ADK: variants seen among roughly 807,000 people sequenced by gnomAD.
The protein encoded by ADK is adenosine kinase.
ADK carries 24 observed loss-of-function variants against 44.7 expected under a neutral mutation model. The ratio of observed to expected loss-of-function variants is 0.54; its 90% CI spans 0.39 to 0.76. The LOEUF is 0.76. ADK is among the 30% of genes least tolerant of loss of function. The pLI is 0.00. For synonymous variants in ADK, 128 were observed against 142.6 expected (o/e 0.90, Z 0.73); for missense variants, 321 against 425.1 (o/e 0.76, Z 2.15).
At chr10:74,677,323 T>G (rs938282566) in intron 10 of ADK, among the ~76,000 whole-genome samples, 1 of 151,962 alleles carries the variant, frequency 6.6e-6, no homozygotes, top group Non-Finnish European at 1.5e-5. Context: ...TTTTAAAGAG[T>G]TTTTTCAGAA....
chr10:74,585,015 A>C (rs974738416), intron 7 of ADK, among the ~76,000 whole-genome samples: 4 of 152,210 alleles, frequency 2.6e-5, no homozygotes, highest in African/African-American at 9.6e-5. Flanking sequence ...GTTGTCTTTC[A>C]TATACGCAAA....
intron 9 of ADK, among the ~76,000 whole-genome samples, chr10:74,647,956 A>G (rs1458397983): frequency 6.6e-6 from 1 of 152,172 alleles, no homozygotes; most frequent in African/African-American, 2.4e-5. Flanking sequence ...AAGCTTTCCT[A>G]TCTTCAGTTC....
At chr10:74,484,263 C>T (rs1413505784) in intron 6 of ADK, among the ~76,000 whole-genome samples, 1 of 151,988 alleles carries the variant, frequency 6.6e-6, no homozygotes, top group African/African-American at 2.4e-5. Context: ...GGAAGAGAGA[C>T]AAGAGGGAGG....
At chr10:74,415,987 T>G (rs906007304) in intron 6 of ADK, among the ~76,000 whole-genome samples, 2 of 150,610 alleles carry the variant, frequency 1.3e-5, no homozygotes, top group Non-Finnish European at 3.0e-5. Context: ...CTCATATATA[T>G]AAATATATAT....
At chr10:74,518,463 G>T (rs1383366960) in intron 6 of ADK, among the ~76,000 whole-genome samples, 1 of 152,178 alleles carries the variant, frequency 6.6e-6, no homozygotes, top group African/African-American at 2.4e-5. Flanking sequence ...ACTCAAAGAA[G>T]TAATATAGAC....
At chr10:74,450,109 A>T (rs1413499542) in intron 6 of ADK, among the ~76,000 whole-genome samples, 1 of 152,192 alleles carries the variant, frequency 6.6e-6, no homozygotes, top group Non-Finnish European at 1.5e-5. Flanking sequence ...GTTTGAGACC[A>T]GCCTGGGCAA....
intron 6 of ADK, among the ~76,000 whole-genome samples, chr10:74,462,858 G>A (rs951648009): frequency 1.3e-5 from 2 of 152,028 alleles, no homozygotes; most frequent in African/African-American, 4.8e-5. Context: ...TTAAGGATAG[G>A]CTATTGATTA....
chr10:74,281,402 G>A (rs1029771637), intron 3 of ADK, among the ~76,000 whole-genome samples: 2 of 152,192 alleles, frequency 1.3e-5, no homozygotes, highest in African/African-American at 4.8e-5. Flanking sequence ...CACTTTTTTG[G>A]TAAAGAAACA....
chr10:74,223,068 A>C (rs921487745), intron 2 of ADK, among the ~76,000 whole-genome samples: 1 of 152,160 alleles, frequency 6.6e-6, no homozygotes, highest in Non-Finnish European at 1.5e-5. Flanking sequence ...TGTTACTTAG[A>C]ATACCTGAAA....
intron 2 of ADK, among the ~76,000 whole-genome samples, chr10:74,210,427 A>G (rs1018206630): frequency 6.6e-6 from 1 of 152,124 alleles, no homozygotes; most frequent in African/African-American, 2.4e-5. Flanking sequence ...TTTAATAAAC[A>G]TACAAACCTT....
chr10:74,297,524 T>C (rs1262122089), intron 3 of ADK, among the ~76,000 whole-genome samples: 1 of 152,220 alleles, frequency 6.6e-6, no homozygotes, highest in Non-Finnish European at 1.5e-5. Context: ...CTGTAGTAGA[T>C]AGGTATAATA....
intron 3 of ADK, among the ~76,000 whole-genome samples, chr10:74,238,709 A>G (rs1439040362): frequency 6.6e-6 from 1 of 152,064 alleles, no homozygotes; most frequent in African/African-American, 2.4e-5. Context: ...CCTTGACATA[A>G]TTTTCAGGCT....
At chr10:74,467,413 A>G (rs547712332) in intron 6 of ADK, among the ~76,000 whole-genome samples, 1 of 152,164 alleles carries the variant, frequency 6.6e-6, no homozygotes, top group African/African-American at 2.4e-5. Flanking sequence ...GTTAACGTGA[A>G]GTTATAGATT....
chr10:74,653,336 C>T (rs1157764359), intron 9 of ADK, among the ~76,000 whole-genome samples: 1 of 151,954 alleles, frequency 6.6e-6, no homozygotes, highest in Non-Finnish European at 1.5e-5. Context: ...CTTTTAATCC[C>T]AGCTACACGG....
intron 5 of ADK, 70 bp from the exon 6 acceptor site, chr10:74,398,401 G>T (rs1843590679): frequency 4.1e-6 from 4 of 969,680 alleles, no homozygotes; most frequent in South Asian, 1.8e-5. Context: ...AAAAAATATT[G>T]GTAATTATCT....
intron 1 of ADK, among the ~76,000 whole-genome samples, chr10:74,156,073 A>G (rs976911184): frequency 6.6e-6 from 1 of 152,154 alleles, no homozygotes; most frequent in Non-Finnish European, 1.5e-5. Context: ...GGCAATATAT[A>G]CTAGTGCAGC....
rs1455906544 is a variant in ADK, at chr10:74,158,309, C to G, written c.65+6966C>G. Among the ~76,000 whole-genome samples, 3 of 152,146 alleles carry G rather than the reference C, an allele frequency of 2.0e-5. No individual in the cohort carries two copies. In the East Asian group the frequency reaches 5.8e-4, roughly 29 times the overall value. ...CAAGTGCTGTGTGGCTAAATATTAT[C>G]TTTACAGAATGGACCTCTGGGATAC... is the stretch of plus-strand genomic sequence containing the variant. On this transcript the variant is annotated intron_variant, in intron 1 of 10. Coordinates refer to ENST00000539909, the MANE Select transcript of ADK (RefSeq NM_006721.4).
intron 9 of ADK, among the ~76,000 whole-genome samples, chr10:74,611,200 A>AT: frequency 6.6e-6 from 1 of 151,500 alleles, no homozygotes; most frequent in Middle Eastern, 3.4e-3. Context: ...ATTTTTTTGT[A>AT]TTTTTTCTTT....
intron 9 of ADK, among the ~76,000 whole-genome samples, chr10:74,665,736 T>TGAGAGAGAGA (rs59620474): frequency 1.1e-3 from 126 of 116,270 alleles, no homozygotes; most frequent in Admixed American, 1.9e-3. Context: ...CCTTAGCTCT[T>TGAGAGAGAGA]GAGAGAGAGA....
Sources: allele counts gnomAD v4.1 joint callset (sites outside exome capture counted in the v4.1 genomes callset), GRCh38; gene constraint gnomAD v4.1.1; transcripts MANE v1.5; gene names NCBI Gene and HGNC (gene_info 2026-07-23, HGNC 2026-07-21).